Variants in GRID2 observed in about 807,000 individuals in gnomAD.
GRID2 encodes the protein glutamate ionotropic receptor delta type subunit 2.
Under a neutral mutation model 114.8 loss-of-function variants are expected in GRID2, and 33 were observed. The observed-to-expected ratio is 0.29, with a 90% CI of 0.22 to 0.38. The LOEUF is 0.38. GRID2 is among the 10% of genes least tolerant of loss of function. GRID2 has a pLI of 1.00. For synonymous variants in GRID2, 505 were observed against 449.9 expected (o/e 1.12, Z -1.55); for missense variants, 1,184 against 1,257.7 (o/e 0.94, Z 0.89).
chr4:93,185,934 T>C (rs534602823), intron 4 of GRID2, among the ~76,000 whole-genome samples: 3 of 152,204 alleles, frequency 2.0e-5, no homozygotes, highest in Admixed American at 6.5e-5. Flanking sequence ...GTGTGATGTT[T>C]CCCGCCCTGT....
chr4:92,869,627 A>C (rs1160797473), intron 2 of GRID2, among the ~76,000 whole-genome samples: 2 of 152,188 alleles, frequency 1.3e-5, no homozygotes, highest in Non-Finnish European at 2.9e-5. Flanking sequence ...AAAGCCCGAC[A>C]TTATCCCAGC....
chr4:93,748,814 T>G (rs1732067547), intron 14 of GRID2, among the ~76,000 whole-genome samples: 1 of 152,054 alleles, frequency 6.6e-6, no homozygotes, highest in South Asian at 2.1e-4. Flanking sequence ...GAATTACTTT[T>G]CTTGCTTTTT....
rs543991477 is a variant in GRID2, at chr4:93,399,906, A to C, written c.1347+4198A>C. ...GAATCCAGAAGAAAAGTAGAGAAAA[A>C]CCAACACGAGCATCTACCATTTGAT... On this transcript the variant is annotated intron_variant, in intron 9 of 15. Coordinates refer to ENST00000282020, the MANE Select transcript of GRID2 (RefSeq NM_001510.4). 9.2e-5 allele frequency among the ~76,000 whole-genome samples: 14 copies of C among 152,194 alleles called. No individual in the cohort carries two copies. In the South Asian group the frequency reaches 2.9e-3, roughly 32 times the overall value.
chr4:93,760,089 G>A (rs1733079354), intron 14 of GRID2, among the ~76,000 whole-genome samples: 1 of 152,132 alleles, frequency 6.6e-6, no homozygotes, highest in African/African-American at 2.4e-5. Flanking sequence ...CTTCCTAAAG[G>A]CTGTTACAAG....
intron 4 of GRID2, among the ~76,000 whole-genome samples, chr4:93,195,244 G>A (rs1310348331): frequency 1.3e-5 from 2 of 152,158 alleles, no homozygotes; most frequent in Admixed American, 6.5e-5. Flanking sequence ...GCTTATTAAG[G>A]AGGTGTTCCC....
intron 8 of GRID2, among the ~76,000 whole-genome samples, chr4:93,254,629 A>G (rs2149537110): frequency 6.6e-6 from 1 of 152,236 alleles, no homozygotes; most frequent in East Asian, 1.9e-4. Context: ...GAGATGAGAA[A>G]TCTATCAGTG....
At position 92,540,867 on chromosome 4, in the gene GRID2, A is replaced by G. The variant is rs552550856; in HGVS notation, c.89-49264A>G. Among the ~76,000 whole-genome samples the G allele has an allele frequency of 2.0e-5, 3 of 151,940 alleles. No individual in the cohort carries two copies. In the South Asian group the frequency reaches 6.2e-4, roughly 32 times the overall value. ...ACATATGTTTATTGCGGCACTATTCACAATAGCAAAGACTTGTGACCAACC... is the reference window on the plus strand; with the variant it reads ...ACATATGTTTATTGCGGCACTATTCGCAATAGCAAAGACTTGTGACCAACC... On this transcript the variant is annotated intron_variant, in intron 1 of 15. Transcript: ENST00000282020.
intron 14 of GRID2, among the ~76,000 whole-genome samples, chr4:93,697,940 T>G (rs1727188382): frequency 6.8e-6 from 1 of 147,096 alleles, no homozygotes; most frequent in African/African-American, 2.5e-5. Flanking sequence ...AAGAAAAATT[T>G]TAACACCTTT....
chr4:92,543,798 A>G (rs1726100848), intron 1 of GRID2, among the ~76,000 whole-genome samples: 1 of 152,220 alleles, frequency 6.6e-6, no homozygotes, highest in African/African-American at 2.4e-5. Flanking sequence ...ATTCAAGGCA[A>G]TAACAAAATC....
intron 2 of GRID2, among the ~76,000 whole-genome samples, chr4:92,768,389 G>C (rs1312183534): frequency 6.6e-6 from 1 of 152,134 alleles, no homozygotes; most frequent in Non-Finnish European, 1.5e-5. Flanking sequence ...AATGCCACAT[G>C]GTTGTTCTTA....
At chr4:93,806,117 A>G (rs1413948534) in intron 1 of GRID2, among the ~76,000 whole-genome samples, 1 of 152,212 alleles carries the variant, frequency 6.6e-6, no homozygotes, top group Non-Finnish European at 1.5e-5. Flanking sequence ...TAAACAAAAA[A>G]AAGCGTATAT....
intron 8 of GRID2, among the ~76,000 whole-genome samples, chr4:93,293,178 G>GA (rs1004817633): frequency 2.0e-5 from 3 of 151,690 alleles, no homozygotes; most frequent in Admixed American, 6.6e-5. Flanking sequence ...CTCCAAGTCA[G>GA]AAAAAAAATT....
chr4:92,506,356 A>G (rs1189881102), intron 1 of GRID2, among the ~76,000 whole-genome samples: 1 of 152,034 alleles, frequency 6.6e-6, no homozygotes, highest in African/African-American at 2.4e-5. Context: ...ATGTGACACA[A>G]TATCTGTATG....
At position 93,626,322 on chromosome 4, in the gene GRID2, G is replaced by A. The variant is rs1332505696; in HGVS notation, c.2247G>A (p.Val749=). The A allele has an allele frequency of 1.2e-6, 2 of 1,600,530 alleles. No individual in the cohort carries two copies. Among genetic ancestry groups the A allele is most frequent in the South Asian group, 1.1e-5 (1 of 90,742 alleles). Residue 749 remains valine (V), a synonymous_variant, in exon 14 of 16, where the codon GTG becomes GTA. Transcript: ENST00000282020. ...FVWDAAVLEY[V]AINDPDCSFY... Reference sequence around the variant, plus strand: ...GGGATGCAGCTGTATTGGAATATGTGGCTATCAATGACCCAGATTGTTCCT... The same window carrying A: ...GGGATGCAGCTGTATTGGAATATGTAGCTATCAATGACCCAGATTGTTCCT...
At chr4:92,758,298 T>A (rs1229366275) in intron 2 of GRID2, among the ~76,000 whole-genome samples, 1 of 152,098 alleles carries the variant, frequency 6.6e-6, no homozygotes, top group African/African-American at 2.4e-5. Flanking sequence ...TGAATAATAA[T>A]GAATTAGTGA....
intron 2 of GRID2, among the ~76,000 whole-genome samples, chr4:92,946,167 G>T (rs1378881267): frequency 6.6e-6 from 1 of 152,002 alleles, no homozygotes. Context: ...ACAAAAAATG[G>T]CATTTGGATA....
intron 8 of GRID2, among the ~76,000 whole-genome samples, chr4:93,270,748 C>G (rs1358401448): frequency 2.6e-5 from 4 of 152,062 alleles, no homozygotes; most frequent in Non-Finnish European, 5.9e-5. Context: ...CCTGCCTCAG[C>G]CTCCTGAGTA....
At chr4:92,966,002 G>A (rs1426103874) in intron 2 of GRID2, among the ~76,000 whole-genome samples, 3 of 151,850 alleles carry the variant, frequency 2.0e-5, no homozygotes, top group African/African-American at 7.3e-5. Flanking sequence ...GAAACAGAAA[G>A]ACTTACAGGA....
At chr4:93,261,685 G>A (rs912302138) in intron 8 of GRID2, among the ~76,000 whole-genome samples, 1 of 151,748 alleles carries the variant, frequency 6.6e-6, no homozygotes, top group Non-Finnish European at 1.5e-5. Flanking sequence ...ATTAACAGAG[G>A]AATTTGTATA....
Sources: gnomAD v4.1 joint callset for allele counts (sites outside exome capture counted in the v4.1 genomes callset) on GRCh38, gnomAD v4.1.1 for gene constraint, MANE v1.5 for transcripts, NCBI Gene and HGNC (gene_info 2026-07-23, HGNC 2026-07-21) for gene names.